PLCH1: variants seen among roughly 807,000 people sequenced by gnomAD.
PLCH1 encodes the protein 1-phosphatidylinositol 4,5-bisphosphate phosphodiesterase eta-1.
A neutral mutation model predicts 126.7 loss-of-function variants in PLCH1; 60 were observed. That is an observed-to-expected ratio of 0.47 (90% confidence interval 0.38 to 0.59). The LOEUF (loss-of-function observed/expected upper bound fraction) is 0.59. Among genes scored for constraint, PLCH1 ranks in the 20% least tolerant of loss-of-function variants. The pLI is 0.00. For missense variants in PLCH1, 1,723 were observed against 2,040.0 expected (o/e 0.84, Z 2.99); for synonymous variants, 719 against 734.9 (o/e 0.98, Z 0.35).
intron 1 of PLCH1, among the ~76,000 whole-genome samples, chr3:155,734,870 G>C (rs544909120): frequency 6.6e-6 from 1 of 151,980 alleles, no homozygotes; most frequent in Non-Finnish European, 1.5e-5. Context: ...CACCACGCCC[G>C]GCTAATTTTT....
intron 12 of PLCH1, among the ~76,000 whole-genome samples, chr3:155,512,180 A>C (rs1164089655): frequency 6.6e-6 from 1 of 151,904 alleles, no homozygotes; most frequent in African/African-American, 2.4e-5. Flanking sequence ...TGCGCTTCCC[A>C]GGTGAGGCAA....
At chr3:155,532,248 T>C (rs1722796388) in intron 10 of PLCH1, among the ~76,000 whole-genome samples, 1 of 152,144 alleles carries the variant, frequency 6.6e-6, no homozygotes, top group Non-Finnish European at 1.5e-5. Flanking sequence ...CGTGAACTTG[T>C]GCTACAAGAA....
intron 21 of PLCH1, among the ~76,000 whole-genome samples, chr3:155,486,472 T>C (rs1715121027): frequency 6.6e-6 from 1 of 151,226 alleles, no homozygotes; most frequent in African/African-American, 2.4e-5. Flanking sequence ...GGAGGTGATA[T>C]AGAACACTTT....
At position 155,453,910 on chromosome 3, in the gene PLCH1, A is replaced by G. The variant is rs144646289; in HGVS notation, c.2938+31446T>C. Among the ~76,000 whole-genome samples the G allele has an allele frequency of 3.6e-3, 541 of 152,194 alleles. 5 individuals are homozygous for G. Among genetic ancestry groups the G allele is most frequent in the African/African-American group, 0.012 (480 of 41,560 alleles). The stretch of plus-strand genomic sequence containing the variant: ...TATCTTTATAAGTAGAAAAGGATGG[A>G]TACAGGGAGGGAATTATGCATAAGT... On this transcript the variant is annotated intron_variant, in intron 21 of 21. Coordinates refer to the PLCH1 transcript ENST00000494598.
At chr3:155,538,981 T>C (rs1398678705) in intron 10 of PLCH1, among the ~76,000 whole-genome samples, 1 of 149,716 alleles carries the variant, frequency 6.7e-6, no homozygotes, top group Non-Finnish European at 1.5e-5. Context: ...ATATCGCTAA[T>C]GAACATAGAC....
intron 1 of PLCH1, among the ~76,000 whole-genome samples, chr3:155,744,528 C>T (rs1749848414): frequency 6.6e-6 from 1 of 152,178 alleles, no homozygotes; most frequent in African/African-American, 2.4e-5. Context: ...CTGGACCTTC[C>T]ACCGGGCGAA....
intron 2 of PLCH1, among the ~76,000 whole-genome samples, chr3:155,697,693 C>T (rs1209179005): frequency 7.2e-5 from 11 of 152,180 alleles, no homozygotes; most frequent in Admixed American, 7.2e-4. Context: ...AGGAGCCAGA[C>T]AGTTGCCCCA....
chr3:155,745,050 G>C lies in PLCH1; in HGVS notation c.-251C>G, dbSNP rs1036878654. Reference sequence around the variant, plus strand: ...GAGCGGGGAAGAGCAGGGCGCCGCCGCCACAACCTGCTTTCTCATTCAAAT... The same window carrying C: ...GAGCGGGGAAGAGCAGGGCGCCGCCCCCACAACCTGCTTTCTCATTCAAAT... On this transcript the variant is annotated 5_prime_UTR_variant, in exon 1 of 23. Transcript: ENST00000460012. 1 of 152,642 alleles carries C rather than the reference G, an allele frequency of 6.6e-6. No homozygotes were observed. Among genetic ancestry groups the C allele is most frequent in the Non-Finnish European group, 1.5e-5 (1 of 68,418 alleles). 9.5% of individuals were successfully genotyped at this position (152,642 alleles called of 1,614,324 possible).
intron 22 of PLCH1, among the ~76,000 whole-genome samples, chr3:155,483,964 T>C (rs1714595508): frequency 6.6e-6 from 1 of 152,088 alleles, no homozygotes; most frequent in East Asian, 1.9e-4. Flanking sequence ...AAAATATTCA[T>C]CATAAAAATT....
intron 19 of PLCH1, among the ~76,000 whole-genome samples, chr3:155,490,036 T>C (rs1715937490): frequency 2.6e-5 from 4 of 152,224 alleles, no homozygotes. Context: ...TCTTTCTGTG[T>C]ACATGTTTTT....
At chr3:155,545,085 T>C (rs1320455136) in intron 10 of PLCH1, among the ~76,000 whole-genome samples, 10 of 150,822 alleles carry the variant, frequency 6.6e-5, no homozygotes, top group African/African-American at 2.0e-4. Flanking sequence ...TTCAAAAAAT[T>C]AATGAATCCA....
intron 8 of PLCH1, among the ~76,000 whole-genome samples, chr3:155,563,101 C>T (rs1345221223): frequency 2.0e-5 from 3 of 152,212 alleles, no homozygotes; most frequent in African/African-American, 7.2e-5. Context: ...TACTCCTGTT[C>T]TCTGCACTGG....
intron 10 of PLCH1, among the ~76,000 whole-genome samples, chr3:155,542,260 C>T (rs545385132): frequency 1.1e-4 from 16 of 152,220 alleles, no homozygotes; most frequent in Non-Finnish European, 1.8e-4. Context: ...GAGGGTCCTA[C>T]GCCCATGGAG....
intron 2 of PLCH1, among the ~76,000 whole-genome samples, chr3:155,601,120 A>G (rs949438093): frequency 1.2e-4 from 19 of 152,026 alleles, no homozygotes; most frequent in South Asian, 2.1e-4. Context: ...GACTACAGGC[A>G]CACGCCACCA....
intron 4 of PLCH1, among the ~76,000 whole-genome samples, chr3:155,587,748 T>C (rs1405429882): frequency 6.6e-6 from 1 of 152,218 alleles, no homozygotes; most frequent in Admixed American, 6.5e-5. Context: ...TGGGTTGCTT[T>C]ACATAGTGAG....
intron 2 of PLCH1, among the ~76,000 whole-genome samples, chr3:155,696,557 G>GA (rs1344218415): frequency 6.6e-6 from 1 of 152,130 alleles, no homozygotes; most frequent in Admixed American, 6.5e-5. Context: ...GAGAGCAGAG[G>GA]AAAACTAATT....
chr3:155,709,999 T>C (rs973882249), intron 1 of PLCH1, among the ~76,000 whole-genome samples: 8 of 152,234 alleles, frequency 5.3e-5, no homozygotes, highest in Non-Finnish European at 8.8e-5. Flanking sequence ...GGTTTCATTT[T>C]TGTTTTGAGA....
At chr3:155,659,968 C>T (rs962262486) in intron 2 of PLCH1, among the ~76,000 whole-genome samples, 4 of 152,152 alleles carry the variant, frequency 2.6e-5, no homozygotes, top group South Asian at 2.1e-4. Context: ...TAACATCAGT[C>T]GATCATTAGA....
intron 1 of PLCH1, among the ~76,000 whole-genome samples, chr3:155,719,920 C>T (rs1392889822): frequency 6.6e-6 from 1 of 151,968 alleles, no homozygotes; most frequent in African/African-American, 2.4e-5. Flanking sequence ...CTCAGCTTCC[C>T]GAGTAGCTGG....
Sources: allele counts gnomAD v4.1 joint callset (sites outside exome capture counted in the v4.1 genomes callset), GRCh38; gene constraint gnomAD v4.1.1; transcripts MANE v1.5; gene names NCBI Gene and HGNC (gene_info 2026-07-23, HGNC 2026-07-21).